Variants in NACAD observed in about 807,000 individuals in gnomAD.
NACAD encodes the protein NAC alpha domain containing, also known as NAC-alpha domain-containing protein 1.
Under a neutral mutation model 98.9 loss-of-function variants are expected in NACAD, and 47 were observed. That is an observed-to-expected ratio of 0.48 (90% CI 0.38 to 0.61). The LOEUF (loss-of-function observed/expected upper bound fraction) is 0.61, where lower values mean the gene tolerates loss of function less well. Among genes scored for constraint, NACAD ranks in the 20% least tolerant of loss-of-function variants. The pLI, the probability that NACAD is intolerant of heterozygous loss-of-function variation, is 0.00. For synonymous variants in NACAD, 696 were observed against 767.2 expected (o/e 0.91, Z 1.53); for missense variants, 1,412 against 1,748.2 (o/e 0.81, Z 3.43).
In NACAD at chr7:45,088,004, C is replaced by T. The variant is rs1784547597; in HGVS notation, c.67+824G>A. On this transcript the variant is annotated intron_variant, in intron 1 of 7. Coordinates refer to ENST00000490531, the MANE Select transcript of NACAD (RefSeq NM_001146334.2). The surrounding 1 kb of genome is among the most constrained non-coding windows in gnomAD (Gnocchi z 5.7). ...AAGTCTGGGCCTGCACTCCCTGCCT[C>T]CCACCTAGAGCAGAGGCAGCAGCCT... is the stretch of plus-strand genomic sequence containing the variant. 6.6e-6 allele frequency among the ~76,000 whole-genome samples: 1 copy of T among 152,220 alleles called. No homozygotes were observed. Among genetic ancestry groups the T allele is most frequent in the African/African-American group, 2.4e-5 (1 of 41,458 alleles).
At position 45,088,396 on chromosome 7, in the gene NACAD, G is replaced by A. The variant is rs182925942; in HGVS notation, c.67+432C>T. On this transcript the variant is annotated intron_variant, in intron 1 of 7. Transcript: ENST00000490531. This position sits in a 1 kb window ranked among gnomAD's most constrained non-coding sequence, Gnocchi z 5.7. ...CATGACCAGTCGCCGGCCCAGGACAGACCGGGTGCAACTGAGGACCCTCCC... is the reference window on the plus strand; with the variant it reads ...CATGACCAGTCGCCGGCCCAGGACAAACCGGGTGCAACTGAGGACCCTCCC... 6.2e-4 allele frequency among the ~76,000 whole-genome samples: 94 copies of A among 152,246 alleles called. 1 individual carries two copies. The highest frequency in any genetic ancestry group is 2.2e-3 in the African/African-American group (90 of 41,542).
Position 45,082,687 on chromosome 7 carries a change from T to C in NACAD, c.3493A>G (p.Arg1165Gly), listed in dbSNP as rs1584009901. ...SSVGAVSSLD[R>G]GCPDAPAPTS... ...GGGGCAGGCGCGTCAGGGCAGCCTC[T>C]GTCCAGACTGGACACAGCCCCTACT... Residue 1165 changes from arginine to glycine, a missense_variant, in exon 2 of 8, where the codon AGA becomes GGA. Arg to Gly is a moderately radical substitution (Grantham distance 125). Around this residue, in one of 5 missense-constraint regions of NACAD, gnomAD observed 572 missense variants for 639.6 expected, o/e 0.89. Coordinates refer to ENST00000490531, the MANE Select transcript of NACAD (RefSeq NM_001146334.2). The surrounding 1 kb of genome is among the most constrained non-coding windows in gnomAD (Gnocchi z 4.5). The C allele has an allele frequency of 1.1e-5, 17 of 1,508,966 alleles. No homozygotes were observed. Among genetic ancestry groups the C allele is most frequent in the South Asian group, 1.0e-4 (8 of 76,890 alleles). The allele number at this position is 1,508,966 out of a possible 1,614,324, so 93.5% of individuals were successfully genotyped here.
rs746411075 is a variant in NACAD at position 45,080,848 on chromosome 7, G to T, written c.4551+28C>A. On this transcript the variant is annotated intron_variant, in intron 6 of 7. Coordinates refer to ENST00000490531, the MANE Select transcript of NACAD (RefSeq NM_001146334.2). ...CATGTAGCGCCTCCCACCACCCCCTGCGAGGCCCTGGAGCCCCTGCACTTC... is the reference window on the plus strand; with the variant it reads ...CATGTAGCGCCTCCCACCACCCCCTTCGAGGCCCTGGAGCCCCTGCACTTC... The T allele has an allele frequency of 7.1e-6, 11 of 1,550,976 alleles. No individual in the cohort carries two copies. In the Admixed American group the frequency reaches 7.8e-5, roughly 11 times the overall value.
At chr7:45,080,808 C>T in intron 6 of NACAD, 46 bp from the exon 7 acceptor site, 1 of 1,549,674 alleles carries the variant, frequency 6.5e-7, no homozygotes, top group Non-Finnish European at 8.7e-7. Flanking sequence ...CTTGAGGTCC[C>T]TGGGGCAGAG....
At position 45,088,383 on chromosome 7, in the gene NACAD, C is replaced by T. The variant is rs1466575423; in HGVS notation, c.67+445G>A. ...CTCCCTCCAGAGCCATGACCAGTCG[C>T]CGGCCCAGGACAGACCGGGTGCAAC... On this transcript the variant is annotated intron_variant, in intron 1 of 7. Coordinates refer to ENST00000490531, the MANE Select transcript of NACAD (RefSeq NM_001146334.2). The surrounding 1 kb of genome is among the most constrained non-coding windows in gnomAD (Gnocchi z 5.7). Among the ~76,000 whole-genome samples the T allele has an allele frequency of 5.9e-5, 9 of 152,322 alleles. No individual in the cohort carries two copies. In the East Asian group the frequency reaches 1.7e-3, roughly 29 times the overall value.
Position 45,081,757 on chromosome 7 carries a change from G to A in NACAD, c.4183C>T (p.Gln1395Ter). The change falls in exon 3 of 8, where the codon CAG becomes TAG. Residue 1395 changes from glutamine to a stop codon, truncating the protein, a stop_gained and splice_region_variant. Transcript: ENST00000490531. LOFTEE classifies it high-confidence loss of function. ...LAPQTVQCPA[Q>*]APAGGSEETI... ...ACCCTCTTCCCTGGACTGGGCACCT[G>A]GGCTGGACACTGCACGGTCTGAGGA... 1 of 1,551,192 alleles carries A rather than the reference G, an allele frequency of 6.4e-7. No individual in the cohort carries two copies. Among genetic ancestry groups the A allele is most frequent in the Non-Finnish European group, 8.7e-7 (1 of 1,146,994 alleles).
In NACAD at chr7:45,082,688, G is replaced by A; in HGVS notation, c.3492C>T (p.Asp1164=). Residue 1164 remains aspartate (D), a synonymous_variant, in exon 2 of 8, where the codon GAC becomes GAT. Transcript: ENST00000490531. The surrounding 1 kb of genome is among the most constrained non-coding windows in gnomAD (Gnocchi z 4.5). The part of the protein sequence containing the change: ...ESSVGAVSSL[D]RGCPDAPAPT... ...GGGCAGGCGCGTCAGGGCAGCCTCTGTCCAGACTGGACACAGCCCCTACTG... is the reference window on the plus strand; with the variant it reads ...GGGCAGGCGCGTCAGGGCAGCCTCTATCCAGACTGGACACAGCCCCTACTG... 2 of 1,513,324 alleles carry A rather than the reference G, an allele frequency of 1.3e-6. No homozygotes were observed. The highest frequency in any genetic ancestry group is 1.8e-6 in the Non-Finnish European group (2 of 1,128,002). The allele number at this position is 1,513,324 out of a possible 1,614,324, so 93.7% of individuals were successfully genotyped here.
Position 45,083,708 on chromosome 7 carries a change from C to G in NACAD, c.2472G>C (p.Thr824=), listed in dbSNP as rs1344696885. The G allele has an allele frequency of 3.2e-5, 5 of 157,374 alleles. No individual in the cohort carries two copies. The highest frequency in any genetic ancestry group is 5.5e-5 in the Non-Finnish European group (5 of 91,554). The allele number at this position is 157,374 out of a possible 1,614,324, so 9.7% of individuals were successfully genotyped here. The stretch of plus-strand genomic sequence containing the variant: ...CCTCTTCAGCCTGCTGGGACACAAT[C>G]GTGGCTGCAGCCACAGGCTTTGGGG... The part of the protein sequence containing the change: ...SSAPKPVAAA[T]IVSQQAEEGL... The change falls in exon 2 of 8, where the codon ACG becomes ACC. Residue 824 remains threonine (T), a synonymous_variant. Coordinates refer to ENST00000490531, the MANE Select transcript of NACAD (RefSeq NM_001146334.2).
rs941912465 is a variant in NACAD, at chr7:45,085,154, G to A, written c.1026C>T (p.Pro342=). The change falls in exon 2 of 8, where the codon CCC becomes CCT. Residue 342 remains proline (P), a synonymous_variant. Coordinates refer to ENST00000490531, the MANE Select transcript of NACAD (RefSeq NM_001146334.2). This position sits in a 1 kb window ranked among gnomAD's most constrained non-coding sequence, Gnocchi z 6.1. The part of the protein sequence containing the change: ...EEEEEEAVAD[P]DPGGDLAGEG... ...CCCCAGCCAGGTCCCCACCTGGGTC[G>A]GGATCCGCCACAGCCTCCTCTTCTT... The A allele has an allele frequency of 6.3e-5, 98 of 1,550,588 alleles. No homozygotes were observed. The East Asian group carries it at 2.0e-3, about 31-fold the overall frequency.
intron 1 of NACAD, among the ~76,000 whole-genome samples, chr7:45,086,614 G>A (rs1044540461): frequency 6.6e-6 from 1 of 152,218 alleles, no homozygotes; most frequent in African/African-American, 2.4e-5. Context: ...TTCATGCCTC[G>A]CTCTGCCTCC....
In NACAD at chr7:45,081,887, T is replaced by C; in HGVS notation, c.4073-20A>G. Reference sequence around the variant, plus strand: ...GCGAGTCTGGGGAAGGGGAGAGGTGTGAGGATGGCCTTTTGCTTCTAGGTG... The same window carrying C: ...GCGAGTCTGGGGAAGGGGAGAGGTGCGAGGATGGCCTTTTGCTTCTAGGTG... On this transcript the variant is annotated intron_variant, in intron 2 of 7. Transcript: ENST00000490531. The C allele has an allele frequency of 6.5e-7, 1 of 1,539,416 alleles. No individual in the cohort carries two copies. Among genetic ancestry groups the C allele is most frequent in the Non-Finnish European group, 8.7e-7 (1 of 1,145,122 alleles).
At chr7:45,087,683 T>C (rs2331207) in intron 1 of NACAD, among the ~76,000 whole-genome samples, 80,876 of 152,148 alleles carry the variant, frequency 0.53, 22,984 homozygotes, top group African/African-American at 0.74. Context: ...AGCCAAAACT[T>C]GTCACCCAAG....
chr7:45,082,292 T>C lies in NACAD; in HGVS notation c.3888A>G (p.Arg1296=), dbSNP rs1367838938. Residue 1296 remains arginine, a synonymous_variant, in exon 2 of 8, where the codon CGA becomes CGG. Coordinates refer to ENST00000490531, the MANE Select transcript of NACAD (RefSeq NM_001146334.2). The surrounding 1 kb of genome is among the most constrained non-coding windows in gnomAD (Gnocchi z 4.5). ...GTTQPLGTGP[R]VSLSPHSPLL... is the part of the protein sequence containing the mutation. ...GTGGGGAGTGAGGCGAGAGGCTGAC[T>C]CGCGGCCCAGTCCCCAGAGGCTGTG... The C allele has an allele frequency of 6.4e-7, 1 of 1,550,592 alleles. No homozygotes were observed. Among genetic ancestry groups the C allele is most frequent in the East Asian group, 2.4e-5 (1 of 40,910 alleles).
In NACAD at chr7:45,085,860, G is replaced by C; in HGVS notation, c.320C>G (p.Thr107Arg). 6.5e-7 allele frequency: 1 copy of C among 1,546,434 alleles called. No individual in the cohort carries two copies. Reference protein sequence around the residue: ...PEGLSSQALSTEAPLPATLEP... With the variant: ...PEGLSSQALSREAPLPATLEP... ...CAGGGTGGCCGGGAGAGGAGCCTCC[G>C]TGGACAGAGCCTGGGAAGACAGGCC... The change falls in exon 2 of 8, where the codon ACG becomes AGG. Residue 107 changes from threonine (T) to arginine (R), a missense_variant. Coordinates refer to ENST00000490531, the MANE Select transcript of NACAD (RefSeq NM_001146334.2). This position sits in a 1 kb window ranked among gnomAD's most constrained non-coding sequence, Gnocchi z 6.1.
At chr7:45,080,551 G>A (rs1784412483) in intron 7 of NACAD, 28 bp from the exon 8 acceptor site, 2 of 1,551,336 alleles carry the variant, frequency 1.3e-6, no homozygotes, top group African/African-American at 1.4e-5. Flanking sequence ...CATGTTGGGG[G>A]AAGCACCCCG....
At chr7:45,080,549 G>C (rs1293647396) in intron 7 of NACAD, 26 bp from the exon 8 acceptor site, 1 of 1,551,438 alleles carries the variant, frequency 6.4e-7, no homozygotes, top group African/African-American at 1.4e-5. Context: ...GTCATGTTGG[G>C]GGAAGCACCC....
intron 4 of NACAD, 69 bp from the exon 5 acceptor site, chr7:45,081,332 G>C: frequency 8.5e-6 from 13 of 1,521,184 alleles, no homozygotes; most frequent in Non-Finnish European, 1.1e-5. Flanking sequence ...GAGCAGCACA[G>C]TGCCCAGGAA....
Position 45,082,171 on chromosome 7 carries a change from G to T in NACAD, c.4009C>A (p.Pro1337Thr). Residue 1337 changes from proline to threonine, a missense_variant, in exon 2 of 8, where the codon CCA (proline) becomes ACA (threonine). By Grantham distance (38) the Pro-to-Thr change is conservative. Around this residue, in one of 5 missense-constraint regions of NACAD, gnomAD observed 572 missense variants for 639.6 expected, o/e 0.89. Coordinates refer to ENST00000490531, the MANE Select transcript of NACAD (RefSeq NM_001146334.2). The surrounding 1 kb of genome is among the most constrained non-coding windows in gnomAD (Gnocchi z 4.5). ...QVPPPSGPQSPAGPQGLSAPE... is the reference protein window; with the variant it reads ...QVPPPSGPQSTAGPQGLSAPE... ...GCTGAGAGCCCTTGAGGGCCAGCTG[G>T]GCTCTGGGGCCCAGAGGGAGGAGGC... 1 of 1,510,942 alleles carries T rather than the reference G, an allele frequency of 6.6e-7. No homozygotes were observed. The highest frequency in any genetic ancestry group is 8.9e-7 in the Non-Finnish European group (1 of 1,127,290). 93.6% of individuals were successfully genotyped at this position (1,510,942 alleles called of 1,614,324 possible).
rs978799885 is a variant in NACAD, at chr7:45,081,846, G to A, written c.4094C>T (p.Ser1365Leu). 7.8e-6 allele frequency: 12 copies of A among 1,547,582 alleles called. No homozygotes were observed. In the African/African-American group the frequency reaches 9.6e-5, roughly 12 times the overall value. The change falls in exon 3 of 8, where the codon TCG (serine) becomes TTG (leucine). Residue 1365 changes from serine (S) to leucine (L), a missense_variant. Ser to Leu is a moderately radical substitution (Grantham distance 145). Around this residue, in one of 5 missense-constraint regions of NACAD, gnomAD observed 572 missense variants for 639.6 expected, o/e 0.89. Coordinates refer to ENST00000490531, the MANE Select transcript of NACAD (RefSeq NM_001146334.2). ...CCCGTGGCTATCCGAATGCTGGCCC[G>A]AGCCCAGGGCCCGAGGCGAGTCTGG... ...LEEDSPRALG[S>L]GQHSDSHGES...
Sources: gnomAD v4.1 joint callset for allele counts (sites outside exome capture counted in the v4.1 genomes callset) on GRCh38, gnomAD v4.1.1 for gene constraint, gnomAD v4.1.1 regional missense constraint, Gnocchi (gnomAD v3.1) non-coding constraint, MANE v1.5 for transcripts, NCBI Gene and HGNC (gene_info 2026-07-23, HGNC 2026-07-21) for gene names.